The following DGKI variants were observed in gnomAD, a reference collection of about 807,000 sequenced individuals.
The protein encoded by DGKI is diacylglycerol kinase iota, also known as DAG kinase iota.
A neutral mutation model predicts 147.5 loss-of-function variants in DGKI; 55 were observed. That is an observed-to-expected ratio of 0.37 (90% CI 0.30 to 0.47). The LOEUF is 0.47. Among genes scored for constraint, DGKI ranks in the 20% least tolerant of loss-of-function variants. DGKI has a pLI of 1.00. For missense variants in DGKI, 1,007 were observed against 1,323.8 expected, an observed-to-expected ratio of 0.76 and a Z score of 3.71; for synonymous variants, 469 against 477.1, an observed-to-expected ratio of 0.98 and a Z score of 0.22.
chr7:137,593,062 G>T (rs989058630), intron 12 of DGKI, among the ~76,000 whole-genome samples: 1 of 152,130 alleles, frequency 6.6e-6, no homozygotes, highest in African/African-American at 2.4e-5. Context: ...CAGGGCATGG[G>T]GATGTCTACC....
chr7:137,410,006 G>A (rs1435196067), intron 29 of DGKI, among the ~76,000 whole-genome samples: 4 of 152,090 alleles, frequency 2.6e-5, no homozygotes, highest in Non-Finnish European at 4.4e-5. Flanking sequence ...AAAGATATTG[G>A]AGAAGAGGAA....
chr7:137,416,761 TC>T (rs1812377727), intron 28 of DGKI, among the ~76,000 whole-genome samples: 1 of 152,138 alleles, frequency 6.6e-6, no homozygotes, highest in South Asian at 2.1e-4. Flanking sequence ...CCCATATCGC[TC>T]CCAAGCATTG....
At chr7:137,413,769 G>A (rs1175126296) in intron 28 of DGKI, among the ~76,000 whole-genome samples, 7 of 152,096 alleles carry the variant, frequency 4.6e-5, no homozygotes, top group African/African-American at 1.7e-4. Context: ...TTTTTGGTAG[G>A]ATGATTACTT....
At chr7:137,845,178 T>A in intron 1 of DGKI, among the ~76,000 whole-genome samples, 1 of 152,106 alleles carries the variant, frequency 6.6e-6, no homozygotes, top group Non-Finnish European at 1.5e-5. Context: ...AGCAACAACC[T>A]CACCAGGAAG....
chr7:137,642,284 G>A (rs1185768256), intron 6 of DGKI, among the ~76,000 whole-genome samples: 1 of 138,028 alleles, frequency 7.2e-6, no homozygotes, highest in Admixed American at 6.8e-5. Flanking sequence ...TATCTACTGG[G>A]TATCTATTTC....
intron 14 of DGKI, among the ~76,000 whole-genome samples, chr7:137,584,667 C>T (rs1266727077): frequency 6.6e-6 from 1 of 152,142 alleles, no homozygotes; most frequent in Non-Finnish European, 1.5e-5. Context: ...ATGAAACAAA[C>T]TTGCACATAT....
intron 1 of DGKI, among the ~76,000 whole-genome samples, chr7:137,701,638 A>C (rs1384110895): frequency 2.0e-5 from 3 of 152,262 alleles, no homozygotes; most frequent in South Asian, 2.1e-4. Context: ...GATACAATAA[A>C]ATATTTGTAA....
In DGKI at chr7:137,381,564, C is replaced by T. The variant is rs902619615; in HGVS notation, c.*9656G>A. 2 of 151,696 alleles carry T rather than the reference C, an allele frequency of 1.3e-5. No individual in the cohort carries two copies. Among genetic ancestry groups the T allele is most frequent in the Non-Finnish European group, 2.9e-5 (2 of 67,946 alleles). 9.4% of individuals were successfully genotyped at this position (151,696 alleles called of 1,614,324 possible). On this transcript the variant is annotated 3_prime_UTR_variant, in exon 33 of 33. Transcript: ENST00000614521. Reference sequence around the variant, plus strand: ...CAAGGGTACCCTGGATGCCTGGGAACGTTTTCCCACTCAGAAATCAAATTA... The same window carrying T: ...CAAGGGTACCCTGGATGCCTGGGAATGTTTTCCCACTCAGAAATCAAATTA...
At chr7:137,636,809 C>T (rs10225653) in intron 6 of DGKI, among the ~76,000 whole-genome samples, 2,759 of 152,234 alleles carry the variant, frequency 0.018, 77 homozygotes, top group African/African-American at 0.061. Flanking sequence ...CTATTAGTTC[C>T]AGTGACATCT....
At chr7:137,812,231 A>G (rs1415685414) in intron 1 of DGKI, among the ~76,000 whole-genome samples, 1 of 152,218 alleles carries the variant, frequency 6.6e-6, no homozygotes, top group Non-Finnish European at 1.5e-5. Flanking sequence ...TTTGAGTTGC[A>G]GTTTCCTCAA....
At chr7:137,499,195 G>A (rs1047515174) in intron 21 of DGKI, among the ~76,000 whole-genome samples, 1 of 152,154 alleles carries the variant, frequency 6.6e-6, no homozygotes, top group Non-Finnish European at 1.5e-5. Flanking sequence ...CAAGAGAATG[G>A]CAAATACAAC....
At chr7:137,644,464 A>T (rs1304129648) in intron 6 of DGKI, among the ~76,000 whole-genome samples, 1 of 152,064 alleles carries the variant, frequency 6.6e-6, no homozygotes, top group Non-Finnish European at 1.5e-5. Flanking sequence ...AATTAATGCA[A>T]TTTTTTCCAA....
intron 1 of DGKI, among the ~76,000 whole-genome samples, chr7:137,812,144 G>T (rs1797610344): frequency 6.6e-6 from 1 of 152,178 alleles, no homozygotes. Flanking sequence ...GTTTTGAGGA[G>T]AACCAGTCTA....
At chr7:137,454,862 G>A (rs935708705) in intron 27 of DGKI, 2 of 152,114 alleles carry the variant, frequency 1.3e-5, no homozygotes, top group Admixed American at 1.3e-4. Flanking sequence ...AATCCATCTG[G>A]ATTTTGTAAA....
chr7:137,436,494 G>A (rs1813291354), intron 28 of DGKI, among the ~76,000 whole-genome samples: 1 of 152,114 alleles, frequency 6.6e-6, no homozygotes, highest in Non-Finnish European at 1.5e-5. Context: ...TCTGGATCCA[G>A]ATCACCTGAG....
rs1234771195 is a variant in DGKI at position 137,846,187 on chromosome 7, A to T, written c.401+275T>A. ...CACACACACACACACACACACACAC[A>T]CACACACACACACACAGACAAAATT... On this transcript the variant is annotated intron_variant, in intron 1 of 32. Transcript: ENST00000614521. This position sits in a 1 kb window ranked among gnomAD's most constrained non-coding sequence, Gnocchi z 4.0. 2.0e-5 allele frequency among the ~76,000 whole-genome samples: 3 copies of T among 150,258 alleles called. No individual in the cohort carries two copies. The highest frequency in any genetic ancestry group is 5.0e-5 in the African/African-American group (2 of 40,156).
chr7:137,431,686 G>A (rs1239228183), intron 28 of DGKI, among the ~76,000 whole-genome samples: 1 of 152,154 alleles, frequency 6.6e-6, no homozygotes, highest in Non-Finnish European at 1.5e-5. Context: ...TTTTCCTCCT[G>A]TGTTTCATTG....
At chr7:137,635,518 C>T (rs989479877) in intron 6 of DGKI, among the ~76,000 whole-genome samples, 4 of 152,150 alleles carry the variant, frequency 2.6e-5, no homozygotes, top group African/African-American at 4.8e-5. Context: ...GTGTGACCCA[C>T]GAACATAGGA....
chr7:137,451,877 C>T (rs1364943262), intron 27 of DGKI, among the ~76,000 whole-genome samples: 1 of 151,122 alleles, frequency 6.6e-6, no homozygotes, highest in African/African-American at 2.4e-5. Flanking sequence ...TATTTTTTTT[C>T]ATCATCTCAT....
Sources: gnomAD v4.1 joint callset for allele counts (sites outside exome capture counted in the v4.1 genomes callset) on GRCh38, gnomAD v4.1.1 for gene constraint, Gnocchi (gnomAD v3.1) non-coding constraint, MANE v1.5 for transcripts, NCBI Gene and HGNC (gene_info 2026-07-23, HGNC 2026-07-21) for gene names.